Variants in ZFAND3 observed in about 807,000 individuals in gnomAD.
ZFAND3 encodes the protein AN1-type zinc finger protein 3.
Under a neutral mutation model 29.6 loss-of-function variants are expected in ZFAND3, and 10 were observed. That is an observed-to-expected ratio of 0.34 (90% confidence interval 0.21 to 0.57). ZFAND3 has a LOEUF of 0.57. Ranked by LOEUF, ZFAND3 falls within the 20% of genes least tolerant of loss-of-function variation. The pLI, the probability that ZFAND3 is intolerant of heterozygous loss-of-function variation, is 0.86. For synonymous variants in ZFAND3, 128 were observed against 112.6 expected, an observed-to-expected ratio of 1.14 and a Z score of -0.87; for missense variants, 230 against 304.5, an observed-to-expected ratio of 0.76 and a Z score of 1.82.
Position 38,057,882 on chromosome 6 carries a change from A to G in ZFAND3, c.113-3711A>G, listed in dbSNP as rs528731667. Among the ~76,000 whole-genome samples, 6 of 152,102 alleles carry G rather than the reference A, an allele frequency of 3.9e-5. No individual in the cohort carries two copies. The South Asian group carries it at 6.2e-4, about 16-fold the overall frequency. ...CAAGTAGAGAATATATAGAGCTTCT[A>G]CTCCTCTCTTTGTGAGCAGCCAGTT... On this transcript the variant is annotated intron_variant, in intron 2 of 5. Transcript: ENST00000287218.
At chr6:38,143,834 T>C (rs1285472016) in intron 5 of ZFAND3, among the ~76,000 whole-genome samples, 1 of 152,096 alleles carries the variant, frequency 6.6e-6, no homozygotes, top group Non-Finnish European at 1.5e-5. Context: ...ATTTTCCCCC[T>C]ACCATGCAAA....
chr6:38,051,236 C>G (rs2127460083), intron 2 of ZFAND3, among the ~76,000 whole-genome samples: 1 of 152,224 alleles, frequency 6.6e-6, no homozygotes, highest in Non-Finnish European at 1.5e-5. Flanking sequence ...ATTTTTTTGT[C>G]TTTTCTCCTG....
At position 37,824,248 on chromosome 6, in the gene ZFAND3, T is replaced by C. The variant is rs188892280; in HGVS notation, c.71+4232T>C. On this transcript the variant is annotated intron_variant, in intron 1 of 5. Coordinates refer to ENST00000287218, the MANE Select transcript of ZFAND3 (RefSeq NM_021943.3). ...TATCTGAAATGAAATAGTCAATTAG[T>C]ACACTTTCTTTAGATGAAATATACA... Among the ~76,000 whole-genome samples, 9 of 152,376 alleles carry C rather than the reference T, an allele frequency of 5.9e-5. No individual in the cohort carries two copies. The East Asian group carries it at 1.3e-3, about 23-fold the overall frequency.
At chr6:37,974,391 T>C (rs1267910541) in intron 2 of ZFAND3, among the ~76,000 whole-genome samples, 2 of 79,798 alleles carry the variant, frequency 2.5e-5, no homozygotes, top group African/African-American at 4.8e-5. Context: ...ATACTCTCTC[T>C]CTCTCTCTCT....
rs535286265 is a variant in ZFAND3 at position 38,027,296 on chromosome 6, A to G, written c.113-34297A>G. Among the ~76,000 whole-genome samples the G allele has an allele frequency of 3.3e-5, 5 of 152,382 alleles. No homozygotes were observed. In the South Asian group the frequency reaches 8.3e-4, roughly 25 times the overall value. On this transcript the variant is annotated intron_variant, in intron 2 of 5. Transcript: ENST00000287218. ...GTGCCTTTTAAATGCCTTATTGTCA[A>G]CAAATAGTCTCATTCAGTACATGTT... is the stretch of plus-strand genomic sequence containing the variant.
intron 1 of ZFAND3, among the ~76,000 whole-genome samples, chr6:37,926,414 G>A (rs1438203773): frequency 6.6e-6 from 1 of 152,088 alleles, no homozygotes; most frequent in Non-Finnish European, 1.5e-5. Flanking sequence ...GCATTCCTGG[G>A]CTTGTAACCC....
intron 1 of ZFAND3, among the ~76,000 whole-genome samples, chr6:37,867,827 G>A (rs1764616014): frequency 6.6e-6 from 1 of 152,188 alleles, no homozygotes; most frequent in Admixed American, 6.5e-5. Flanking sequence ...TAGAGATAGT[G>A]TACTATAGTG....
intron 2 of ZFAND3, among the ~76,000 whole-genome samples, chr6:38,016,386 A>G (rs897741625): frequency 5.9e-5 from 9 of 152,210 alleles, no homozygotes; most frequent in African/African-American, 1.9e-4. Flanking sequence ...TACAAATACA[A>G]TATCGCTTCT....
At chr6:38,049,773 G>C (rs1763981971) in intron 2 of ZFAND3, among the ~76,000 whole-genome samples, 1 of 151,946 alleles carries the variant, frequency 6.6e-6, no homozygotes, top group Non-Finnish European at 1.5e-5. Flanking sequence ...GAAAGTGTTA[G>C]TAAGCCCATC....
chr6:37,922,372 TTG>T (rs1351967744), intron 1 of ZFAND3, among the ~76,000 whole-genome samples: 1 of 152,126 alleles, frequency 6.6e-6, no homozygotes, highest in East Asian at 1.9e-4. Context: ...ATGTAATGGA[TTG>T]TCACAGAGCA....
rs1554157844 is a variant in ZFAND3 at position 37,914,672 on chromosome 6, C to CTTTTTTTTCTTT, written c.72-15279_72-15278insCTTTTTTTTTTT. Among the ~76,000 whole-genome samples, 26 of 114,210 alleles carry CTTTTTTTTCTTT rather than the reference C, an allele frequency of 2.3e-4. 1 individual carries two copies. Among genetic ancestry groups the CTTTTTTTTCTTT allele is most frequent in the African/African-American group, 8.9e-4 (25 of 27,980 alleles). 74.9% of individuals were successfully genotyped at this position (114,210 alleles called of 152,430 possible). ...TTTCTTTCTTTCTTTCTTTTTTTTT[C>CTTTTTTTTCTTT]TTTTTTTTTTAGTGGAGACGGGGTT... On this transcript the variant is annotated intron_variant, in intron 1 of 5. Coordinates refer to ENST00000287218, the MANE Select transcript of ZFAND3 (RefSeq NM_021943.3).
intron 3 of ZFAND3, among the ~76,000 whole-genome samples, chr6:38,074,242 A>G (rs978031581): frequency 6.6e-6 from 1 of 152,222 alleles, no homozygotes; most frequent in Non-Finnish European, 1.5e-5. Context: ...AAATACAGAT[A>G]TAGACATGAA....
intron 2 of ZFAND3, among the ~76,000 whole-genome samples, chr6:38,027,245 A>T (rs1315495212): frequency 6.6e-6 from 1 of 152,168 alleles, no homozygotes; most frequent in Non-Finnish European, 1.5e-5. Context: ...TTTTTAAAAT[A>T]TTTCTCCCAA....
chr6:38,091,777 A>G (rs528446814), intron 4 of ZFAND3, among the ~76,000 whole-genome samples: 8 of 151,002 alleles, frequency 5.3e-5, no homozygotes, highest in Non-Finnish European at 8.8e-5. Flanking sequence ...AAGTTATTAC[A>G]TAATAGGTGG....
At chr6:37,944,385 G>A (rs557081641) in intron 2 of ZFAND3, among the ~76,000 whole-genome samples, 6 of 152,222 alleles carry the variant, frequency 3.9e-5, no homozygotes, top group Admixed American at 2.0e-4. Flanking sequence ...CATACTCTGT[G>A]GAAATGGATC....
At chr6:37,924,505 T>G (rs1050110751) in intron 1 of ZFAND3, among the ~76,000 whole-genome samples, 1 of 151,926 alleles carries the variant, frequency 6.6e-6, no homozygotes, top group African/African-American at 2.4e-5. Flanking sequence ...AAGAATGATG[T>G]GAAAGAAGAA....
intron 2 of ZFAND3, among the ~76,000 whole-genome samples, chr6:37,951,414 A>G (rs1394578175): frequency 6.6e-6 from 1 of 152,060 alleles, no homozygotes; most frequent in Non-Finnish European, 1.5e-5. Context: ...AACATGGTGA[A>G]ACCCCGTCTC....
rs1469180218 is a variant in ZFAND3, at chr6:38,082,423, A to G, written c.327A>G (p.Ser109=). The G allele has an allele frequency of 4.3e-6, 7 of 1,612,256 alleles. 1 individual carries two copies. The highest frequency in any genetic ancestry group is 5.9e-6 in the Non-Finnish European group (7 of 1,179,000). ...CGPCTDTAHV[S]LITPTKRSCG... ...CATGCACAGACACAGCTCATGTCTCATTAATCACACCAACAAAAAGATCCT... is the reference window on the plus strand; with the variant it reads ...CATGCACAGACACAGCTCATGTCTCGTTAATCACACCAACAAAAAGATCCT... The change falls in exon 4 of 6, where the codon TCA becomes TCG. Residue 109 remains serine (S), a synonymous_variant. Coordinates refer to ENST00000287218, the MANE Select transcript of ZFAND3 (RefSeq NM_021943.3).
At chr6:38,076,488 G>T (rs1009976785) in intron 3 of ZFAND3, among the ~76,000 whole-genome samples, 4 of 152,088 alleles carry the variant, frequency 2.6e-5, no homozygotes, top group African/African-American at 7.2e-5. Flanking sequence ...TAGCAAAATA[G>T]ATAAGCTACC....
Sources: gnomAD v4.1 joint callset for allele counts (sites outside exome capture counted in the v4.1 genomes callset) on GRCh38, gnomAD v4.1.1 for gene constraint, MANE v1.5 for transcripts, NCBI Gene and HGNC (gene_info 2026-07-23, HGNC 2026-07-21) for gene names.